Variants in PXK observed in about 807,000 individuals in gnomAD.
PXK encodes the protein PX domain-containing protein kinase-like protein.
In PXK, 35 loss-of-function variants were observed where a neutral mutation model predicts 84.7. The ratio of observed to expected loss-of-function variants is 0.41; its 90% CI spans 0.32 to 0.55. The LOEUF is 0.55. PXK is among the 20% of genes least tolerant of loss of function. The probability of loss-of-function intolerance (pLI) is 0.21; values close to 1 mark genes in which losing one functional copy is unlikely to be tolerated. For missense variants in PXK, 634 were observed against 699.7 expected, an observed-to-expected ratio of 0.91 and a Z score of 1.06; for synonymous variants, 253 against 260.8, an observed-to-expected ratio of 0.97 and a Z score of 0.29.
At chr3:58,336,050 TA>T (rs2097585114) in intron 1 of PXK, among the ~76,000 whole-genome samples, 1 of 52,184 alleles carries the variant, frequency 1.9e-5, no homozygotes, top group Non-Finnish European at 3.4e-5. Context: ...TATATATATA[TA>T]TATATATATA....
At chr3:58,348,006 C>T (rs949854579) in intron 1 of PXK, among the ~76,000 whole-genome samples, 8 of 152,114 alleles carry the variant, frequency 5.3e-5, no homozygotes, top group South Asian at 4.1e-4. Flanking sequence ...CTTCACCTCC[C>T]GGGTTCAAGT....
rs975329539 is a variant in PXK at position 58,416,399 on chromosome 3, C to T, written c.1528+3436C>T. ...TTTACAGGTCCCTAAAAGTTGGGGGCGGTCCCAGTTTCTATCTCATTGTGA... is the reference window on the plus strand; with the variant it reads ...TTTACAGGTCCCTAAAAGTTGGGGGTGGTCCCAGTTTCTATCTCATTGTGA... On this transcript the variant is annotated intron_variant, in intron 17 of 17. Coordinates refer to ENST00000356151, the MANE Select transcript of PXK (RefSeq NM_017771.5). This position sits in a 1 kb window ranked among gnomAD's most constrained non-coding sequence, Gnocchi z 4.8. Among the ~76,000 whole-genome samples, 1 of 152,112 alleles carries T rather than the reference C, an allele frequency of 6.6e-6. No homozygotes were observed. The highest frequency in any genetic ancestry group is 2.1e-4 in the South Asian group (1 of 4,822).
chr3:58,418,293 C>T (rs1224673241), intron 17 of PXK, among the ~76,000 whole-genome samples: 3 of 152,170 alleles, frequency 2.0e-5, no homozygotes, highest in African/African-American at 7.2e-5. Context: ...ACCTTCTTAT[C>T]CAGTGTGAGT....
At position 58,424,842 on chromosome 3, in the gene PXK, C is replaced by A; in HGVS notation, c.1619C>A (p.Ser540Ter). 2 of 1,614,210 alleles carry A rather than the reference C, an allele frequency of 1.2e-6. No homozygotes were observed. The highest frequency in any genetic ancestry group is 1.7e-6 in the Non-Finnish European group (2 of 1,180,040). ...PASTEAPAQL[S>*]SQAVNGMSRG... ...AGCACCGAGGCACCTGCCCAGCTCT[C>A]GTCTCAGGCTGTGAATGGCATGAGC... The change falls in exon 18 of 18, where the codon TCG (serine) becomes TAG (stop). Residue 540 changes from serine (S) to a stop codon, truncating the protein, a stop_gained. Coordinates refer to ENST00000356151, the MANE Select transcript of PXK (RefSeq NM_017771.5). LOFTEE classifies it high-confidence loss of function.
chr3:58,388,885 A>T (rs566347437), intron 4 of PXK, among the ~76,000 whole-genome samples: 1 of 152,242 alleles, frequency 6.6e-6, no homozygotes, highest in South Asian at 2.1e-4. Context: ...TGAATCCCTC[A>T]TGCCTCACCA....
chr3:58,367,323 C>G (rs1478501670), intron 2 of PXK, among the ~76,000 whole-genome samples: 1 of 152,022 alleles, frequency 6.6e-6, no homozygotes, highest in Non-Finnish European at 1.5e-5. Context: ...TCGCTCACTG[C>G]AAACTCCGCC....
chr3:58,385,605 C>A lies in PXK; in HGVS notation c.388+2905C>A, dbSNP rs13071861. ...CCGTGACCTTCTGGGTTCAAGTGAT[C>A]CTTGCGCTCCAGCCTCCTGAGTAGC... On this transcript the variant is annotated intron_variant, in intron 4 of 17. Transcript: ENST00000356151. This position sits in a 1 kb window ranked among gnomAD's most constrained non-coding sequence, Gnocchi z 5.1. Among the ~76,000 whole-genome samples the A allele has an allele frequency of 6.6e-6, 1 of 152,166 alleles. No individual in the cohort carries two copies. The highest frequency in any genetic ancestry group is 1.9e-4 in the East Asian group (1 of 5,168).
chr3:58,345,958 T>A (rs1228930931), intron 1 of PXK, among the ~76,000 whole-genome samples: 3 of 152,222 alleles, frequency 2.0e-5, no homozygotes, highest in Non-Finnish European at 4.4e-5. Flanking sequence ...GATTCTTCTC[T>A]GAGGTCAAGG....
At chr3:58,334,012 T>C (rs1261807858) in intron 1 of PXK, among the ~76,000 whole-genome samples, 2 of 152,148 alleles carry the variant, frequency 1.3e-5, no homozygotes, top group Non-Finnish European at 1.5e-5. Context: ...ATTCCTTCAA[T>C]TGTGATGTTT....
intron 7 of PXK, among the ~76,000 whole-genome samples, chr3:58,393,665 G>C (rs938121284): frequency 7.9e-5 from 12 of 151,932 alleles, no homozygotes; most frequent in African/African-American, 2.9e-4. Flanking sequence ...AAGCCATAAT[G>C]AACAATTTTT....
intron 13 of PXK, among the ~76,000 whole-genome samples, chr3:58,404,355 G>A (rs1035675536): frequency 3.3e-5 from 5 of 152,118 alleles, no homozygotes; most frequent in Admixed American, 1.3e-4. Context: ...GGTATTTGAC[G>A]TTTTGGGTGA....
intron 1 of PXK, among the ~76,000 whole-genome samples, chr3:58,338,526 G>A (rs1171578694): frequency 6.6e-6 from 1 of 151,816 alleles, no homozygotes; most frequent in South Asian, 2.1e-4. Context: ...GGGAGGCTGA[G>A]GCAGGAGAAT....
At position 58,336,925 on chromosome 3, in the gene PXK, T is replaced by C. The variant is rs543729668; in HGVS notation, c.102+3835T>C. Among the ~76,000 whole-genome samples the C allele has an allele frequency of 3.3e-5, 5 of 152,320 alleles. No homozygotes were observed. In the East Asian group the frequency reaches 9.6e-4, roughly 29 times the overall value. ...CCCAGGTTCAAGCGATTCTTCTGCC[T>C]CAGCCTCCCAAGTAGCTGGGATTAC... On this transcript the variant is annotated intron_variant, in intron 1 of 17. Coordinates refer to ENST00000356151, the MANE Select transcript of PXK (RefSeq NM_017771.5).
intron 3 of PXK, among the ~76,000 whole-genome samples, chr3:58,372,662 T>C (rs1446934861): frequency 6.6e-6 from 1 of 151,770 alleles, no homozygotes; most frequent in Non-Finnish European, 1.5e-5. Context: ...AGTCTCGCCC[T>C]GTCACCCAAA....
rs186969382 is a variant in PXK at position 58,372,521 on chromosome 3, A to G, written c.201+3043A>G. 2.9e-3 allele frequency among the ~76,000 whole-genome samples: 431 copies of G among 151,158 alleles called. 1 individual carries two copies. Among genetic ancestry groups the G allele is most frequent in the African/African-American group, 0.01 (417 of 41,132 alleles). On this transcript the variant is annotated intron_variant, in intron 3 of 17. Transcript: ENST00000356151. ...GTATTTTTAGTAGAGACGGGGTTTC[A>G]CCGTGTTAGCCAGGATGGTTTCAAT...
At chr3:58,336,063 ATATATATATTTTTTT>A (rs1418100123) in intron 1 of PXK, among the ~76,000 whole-genome samples, 1 of 58,124 alleles carries the variant, frequency 1.7e-5, no homozygotes, top group African/African-American at 1.1e-4. Flanking sequence ...ATATATATAT[ATATATATATTTTTTT>A]TTTTTTTTTT....
chr3:58,383,217 G>A lies in PXK; in HGVS notation c.388+517G>A, dbSNP rs1047437540. Among the ~76,000 whole-genome samples the A allele has an allele frequency of 1.3e-5, 2 of 152,086 alleles. No individual in the cohort carries two copies. The highest frequency in any genetic ancestry group is 2.4e-5 in the African/African-American group (1 of 41,420). ...TGAGGCAGGAGAATCGCTTGAACCC[G>A]GGAGGTGGAGGTTGCAGTGAGCCGA... On this transcript the variant is annotated intron_variant, in intron 4 of 17. Coordinates refer to ENST00000356151, the MANE Select transcript of PXK (RefSeq NM_017771.5). This position sits in a 1 kb window ranked among gnomAD's most constrained non-coding sequence, Gnocchi z 4.0.
chr3:58,358,493 G>A (rs1424871316), intron 1 of PXK, among the ~76,000 whole-genome samples: 1 of 152,110 alleles, frequency 6.6e-6, no homozygotes, highest in Non-Finnish European at 1.5e-5. Flanking sequence ...CACGGTCCAG[G>A]GCAGGTGACA....
At chr3:58,352,221 G>T (rs569352603) in intron 1 of PXK, among the ~76,000 whole-genome samples, 31 of 152,318 alleles carry the variant, frequency 2.0e-4, no homozygotes, top group Non-Finnish European at 4.0e-4. Context: ...AGGGCTCCCA[G>T]GGGGCCTGTC....
Sources: gnomAD v4.1 joint callset for allele counts (sites outside exome capture counted in the v4.1 genomes callset) on GRCh38, gnomAD v4.1.1 for gene constraint, Gnocchi (gnomAD v3.1) non-coding constraint, MANE v1.5 for transcripts, NCBI Gene and HGNC (gene_info 2026-07-23, HGNC 2026-07-21) for gene names.